FAT4: variants seen among roughly 807,000 people sequenced by gnomAD.
The protein encoded by FAT4 is protocadherin Fat 4.
A neutral mutation model predicts 303.9 loss-of-function variants in FAT4; 84 were observed. The ratio of observed to expected loss-of-function variants is 0.28; its 90% CI spans 0.23 to 0.33. FAT4 has a LOEUF of 0.33. Among genes scored for constraint, FAT4 ranks in the 10% least tolerant of loss-of-function variants. The pLI is 1.00. For synonymous variants in FAT4, 2,307 were observed against 2,298.8 expected (o/e 1.00, Z -0.10); for missense variants, 6,005 against 6,146.8 (o/e 0.98, Z 0.77).
rs115595746 is a variant in FAT4, at chr4:125,335,026, C to T, written c.5175+13440C>T. Among the ~76,000 whole-genome samples, 1,002 of 152,094 alleles carry T rather than the reference C, an allele frequency of 6.6e-3. 8 individuals carry two copies. The highest frequency in any genetic ancestry group is 0.019 in the African/African-American group (772 of 41,470). ...AATCTTTAGTGTTCTAATTCCAGAG[C>T]CTGGCAGATTTAGAACACCAGTTGA... On this transcript the variant is annotated intron_variant, in intron 2 of 17. Transcript: ENST00000394329.
intron 8 of FAT4, among the ~76,000 whole-genome samples, chr4:125,435,053 A>C (rs1454854222): frequency 3.3e-5 from 5 of 152,202 alleles, no homozygotes; most frequent in Non-Finnish European, 7.3e-5. Flanking sequence ...TCACTCGTTG[A>C]TTGGAGAAAT....
At chr4:125,470,037 CT>C (rs948691868) in intron 12 of FAT4, among the ~76,000 whole-genome samples, 2 of 152,176 alleles carry the variant, frequency 1.3e-5, no homozygotes, top group African/African-American at 4.8e-5. Context: ...AGTCTGGATG[CT>C]GTGTTAGCAA....
intron 10 of FAT4, among the ~76,000 whole-genome samples, chr4:125,462,630 C>A (rs1252172576): frequency 6.6e-6 from 1 of 151,916 alleles, no homozygotes; most frequent in Non-Finnish European, 1.5e-5. Flanking sequence ...GTTTTATACA[C>A]CACGTGATCA....
In FAT4 at chr4:125,319,222, G is replaced by T. The variant is rs112454576; in HGVS notation, c.2811G>T (p.Lys937Asn). The T allele has an allele frequency of 6.1e-4, 984 of 1,614,072 alleles. 8 individuals carry two copies. The African/African-American group carries it at 0.012, about 19-fold the overall frequency. Residue 937 changes from lysine to asparagine, a missense_variant, in exon 2 of 18, where the codon AAG (lysine) becomes AAT (asparagine). Coordinates refer to ENST00000394329, the MANE Select transcript of FAT4 (RefSeq NM_001291303.3). ...TCTATAGTCTGAAGCAAAACCCCAA[G>T]AACCTGTTTGCTATCAATGAAAAGA... Reference protein sequence around the residue: ...MVLYSLKQNPKNLFAINEKNG... With the variant: ...MVLYSLKQNPNNLFAINEKNG...
chr4:125,471,776 G>T (rs1345800974), intron 12 of FAT4, among the ~76,000 whole-genome samples: 1 of 151,310 alleles, frequency 6.6e-6, no homozygotes, highest in Non-Finnish European at 1.5e-5. Context: ...TGGTGGCCAG[G>T]CGGGGTGGCT....
chr4:125,397,391 T>A (rs1192857077), intron 2 of FAT4, among the ~76,000 whole-genome samples: 1 of 152,118 alleles, frequency 6.6e-6, no homozygotes, highest in African/African-American at 2.4e-5. Flanking sequence ...TTTACAACCC[T>A]GCAAGGAAGT....
chr4:125,335,843 C>T lies in FAT4; in HGVS notation c.5175+14257C>T, dbSNP rs186203225. Among the ~76,000 whole-genome samples, 469 of 152,032 alleles carry T rather than the reference C, an allele frequency of 3.1e-3. 1 individual carries two copies. Among genetic ancestry groups the T allele is most frequent in the Non-Finnish European group, 4.8e-3 (327 of 67,924 alleles). On this transcript the variant is annotated intron_variant, in intron 2 of 17. Transcript: ENST00000394329. The stretch of plus-strand genomic sequence containing the variant: ...AGCCAAACTTCTCTGAACCACAGTA[C>T]CTTTATCTGTTAAAAAAAGAGAATT...
chr4:125,484,012 C>CTCTCTCTT (rs1488645598), intron 16 of FAT4, among the ~76,000 whole-genome samples: 12 of 139,442 alleles, frequency 8.6e-5, no homozygotes, highest in African/African-American at 3.2e-4. Context: ...TTCTCTCTCT[C>CTCTCTCTT]TCATTCTCTT....
At chr4:125,429,270 T>C (rs79861409) in intron 7 of FAT4, among the ~76,000 whole-genome samples, 12 of 152,310 alleles carry the variant, frequency 7.9e-5, no homozygotes, top group Non-Finnish European at 1.8e-4. Context: ...GGTTTTCATA[T>C]AGAAAATTAG....
At chr4:125,325,144 C>A (rs1227169795) in intron 2 of FAT4, among the ~76,000 whole-genome samples, 6 of 152,088 alleles carry the variant, frequency 3.9e-5, no homozygotes, top group Admixed American at 6.5e-5. Context: ...GTGGCAGTTT[C>A]TTAAGACTTA....
At chr4:125,402,656 A>G (rs905269820) in intron 3 of FAT4, among the ~76,000 whole-genome samples, 10 of 151,998 alleles carry the variant, frequency 6.6e-5, no homozygotes, top group African/African-American at 2.4e-4. Flanking sequence ...ACTGTTAGAA[A>G]TCATCTCCTT....
intron 15 of FAT4, 78 bp downstream of exon 15, chr4:125,479,943 C>A: frequency 2.6e-6 from 3 of 1,141,910 alleles, no homozygotes; most frequent in South Asian, 6.2e-5. Context: ...AGTATGTAAT[C>A]AAATTAAAAA....
At position 125,449,521 on chromosome 4, in the gene FAT4, G is replaced by A. The variant is rs757928826; in HGVS notation, c.8511G>A (p.Arg2837=). 6.2e-7 allele frequency: 1 copy of A among 1,613,708 alleles called. No individual in the cohort carries two copies. Among genetic ancestry groups the A allele is most frequent in the Non-Finnish European group, 8.5e-7 (1 of 1,179,812 alleles). The change falls in exon 10 of 18, where the codon AGG becomes AGA. Residue 2837 remains arginine, a synonymous_variant. Coordinates refer to ENST00000394329, the MANE Select transcript of FAT4 (RefSeq NM_001291303.3). The part of the protein sequence containing the change: ...GDIVISRPLN[R]EDTDRYRIRV... The stretch of plus-strand genomic sequence containing the variant: ...TTGTCATAAGCAGACCTTTAAATAG[G>A]GAAGATACAGACCGTTACAGAATTC...
At chr4:125,448,360 T>C in intron 9 of FAT4, 101 bp from the exon 10 acceptor site, 1 of 1,073,282 alleles carries the variant, frequency 9.3e-7, no homozygotes, top group Non-Finnish European at 1.3e-6. Flanking sequence ...GAAAATAAGG[T>C]CACATCAAGC....
At position 125,416,631 on chromosome 4, in the gene FAT4, A is replaced by T; in HGVS notation, c.7018+9A>T. ...TACAGCTACAGATTCAGGTAAGTCC[A>T]TTACACCCTTGTTCATTTGTAGATA... On this transcript the variant is annotated intron_variant, in intron 7 of 17. Transcript: ENST00000394329. The T allele has an allele frequency of 6.2e-7, 1 of 1,612,744 alleles. No individual in the cohort carries two copies. The highest frequency in any genetic ancestry group is 8.5e-7 in the Non-Finnish European group (1 of 1,179,200).
intron 16 of FAT4, among the ~76,000 whole-genome samples, chr4:125,485,013 G>T (rs993033000): frequency 6.6e-6 from 1 of 151,870 alleles, no homozygotes. Flanking sequence ...TAACCATGCC[G>T]GGCTAACTTT....
Position 125,446,443 on chromosome 4 carries a change from T to C in FAT4, c.7350T>C (p.Ser2450=). 6.2e-7 allele frequency: 1 copy of C among 1,613,562 alleles called. No individual in the cohort carries two copies. The highest frequency in any genetic ancestry group is 1.1e-5 in the South Asian group (1 of 91,064). The change falls in exon 9 of 18, where the codon AGT becomes AGC. Residue 2450 remains serine, a synonymous_variant. Coordinates refer to ENST00000394329, the MANE Select transcript of FAT4 (RefSeq NM_001291303.3). The part of the protein sequence containing the change: ...SDAGSPEPLS[S]STSVLVTVTD... ...CGGGATCCCCAGAGCCTCTTTCCAG[T>C]TCCACCAGTGTGCTTGTCACTGTGA...
At chr4:125,359,588 A>G (rs907152085) in intron 2 of FAT4, among the ~76,000 whole-genome samples, 3 of 152,164 alleles carry the variant, frequency 2.0e-5, no homozygotes, top group African/African-American at 7.2e-5. Flanking sequence ...TTATAATCCT[A>G]TTATCTTCTA....
intron 17 of FAT4, 66 bp downstream of exon 17, chr4:125,487,672 T>A (rs1404987696): frequency 1.4e-6 from 2 of 1,467,296 alleles, no homozygotes; most frequent in Non-Finnish European, 1.8e-6. Context: ...TAATTGCTTT[T>A]TCTTGTGGCA....
Sources: allele counts gnomAD v4.1 joint callset (sites outside exome capture counted in the v4.1 genomes callset), GRCh38; gene constraint gnomAD v4.1.1; transcripts MANE v1.5; gene names NCBI Gene and HGNC (gene_info 2026-07-23, HGNC 2026-07-21).